The following SLC39A11 variants were observed in gnomAD, a reference collection of about 807,000 sequenced individuals.
SLC39A11 encodes zinc transporter ZIP11.
SLC39A11 carries 33 observed loss-of-function variants against 36.1 expected under a neutral mutation model. That is an observed-to-expected ratio of 0.91 (90% CI 0.69 to 1.22). The LOEUF is 1.22. Ranked by LOEUF, SLC39A11 falls within the 50% of genes most tolerant of loss-of-function variation. The probability of loss-of-function intolerance (pLI) is 0.00; values close to 1 mark genes in which losing one functional copy is unlikely to be tolerated. For synonymous variants in SLC39A11, 166 were observed against 170.3 expected (o/e 0.97, Z 0.20); for missense variants, 432 against 430.3 (o/e 1.00, Z -0.03).
At chr17:72,942,820 C>T (rs774815923) in intron 5 of SLC39A11, among the ~76,000 whole-genome samples, 1 of 152,152 alleles carries the variant, frequency 6.6e-6, no homozygotes, top group Non-Finnish European at 1.5e-5. Flanking sequence ...TGGCTGCCCT[C>T]CCTAAGCCCC....
At chr17:73,067,802 A>G (rs2060040929) in intron 3 of SLC39A11, 8 of 1,398,552 alleles carry the variant, frequency 5.7e-6, no homozygotes, top group Non-Finnish European at 7.1e-6. Flanking sequence ...CAAGCATCAC[A>G]ACTTTTCAGA....
At chr17:72,707,919 T>C (rs114049193) in intron 7 of SLC39A11, among the ~76,000 whole-genome samples, 151 of 152,342 alleles carry the variant, frequency 9.9e-4, no homozygotes, top group African/African-American at 3.2e-3. Flanking sequence ...GGCAAGTCAA[T>C]AGAATTTAAA....
chr17:72,789,568 C>A (rs757608826), intron 6 of SLC39A11, among the ~76,000 whole-genome samples: 13 of 152,212 alleles, frequency 8.5e-5, no homozygotes, highest in Non-Finnish European at 1.3e-4. Flanking sequence ...GCTCTGATTC[C>A]ACCCTTCAGT....
chr17:72,742,645 TAAA>T (rs2074764368), intron 6 of SLC39A11, among the ~76,000 whole-genome samples: 1 of 152,234 alleles, frequency 6.6e-6, no homozygotes, highest in Non-Finnish European at 1.5e-5. Flanking sequence ...ACTCTTTTGT[TAAA>T]AATTTTCCTT....
intron 5 of SLC39A11, among the ~76,000 whole-genome samples, chr17:72,886,236 T>C (rs1036842845): frequency 2.0e-5 from 3 of 152,226 alleles, no homozygotes; most frequent in Non-Finnish European, 4.4e-5. Context: ...ACCAATCTCA[T>C]GACTTTCGTC....
intron 6 of SLC39A11, among the ~76,000 whole-genome samples, chr17:72,780,461 G>C (rs56888665): frequency 6.8e-6 from 1 of 146,086 alleles, no homozygotes; most frequent in African/African-American, 2.5e-5. Context: ...AGTAGTCAAT[G>C]TGAGGGTATT....
At chr17:72,667,455 A>AGGG (rs2070806809) in intron 7 of SLC39A11, among the ~76,000 whole-genome samples, 1 of 152,236 alleles carries the variant, frequency 6.6e-6, no homozygotes, top group Admixed American at 6.5e-5. Context: ...CTAGCTAGCC[A>AGGG]GGGACTCAGT....
chr17:72,822,443 C>T (rs2077833487), intron 6 of SLC39A11, among the ~76,000 whole-genome samples: 1 of 150,676 alleles, frequency 6.6e-6, no homozygotes, highest in Non-Finnish European at 1.5e-5. Flanking sequence ...ACATATAAGA[C>T]TCCATTTGTA....
In SLC39A11 at chr17:72,947,813, C is replaced by A. The variant is rs1486201099; in HGVS notation, c.369G>T (p.Lys123Asn). Residue 123 changes from lysine (K) to asparagine (N), a missense_variant, in exon 5 of 10, where the codon AAG (lysine) becomes AAT (asparagine). Physicochemically the swap from Lys to Asn is moderately conservative, Grantham distance 94. Coordinates refer to ENST00000255559, the MANE Select transcript of SLC39A11 (RefSeq NM_139177.4). ...GCGCGGGACCCTCAGGATCAGACTT[C>A]TTCTTCATCAACGTAGAGCCGAAGT... ...ALNFGSTLMK[K>N]KSDPEGPALL... 3 of 1,614,088 alleles carry A rather than the reference C, an allele frequency of 1.9e-6. No homozygotes were observed. Among genetic ancestry groups the A allele is most frequent in the Admixed American group, 3.3e-5 (2 of 60,010 alleles).
chr17:72,731,018 G>A (rs2074194936), intron 7 of SLC39A11, among the ~76,000 whole-genome samples: 1 of 152,168 alleles, frequency 6.6e-6, no homozygotes, highest in African/African-American at 2.4e-5. Flanking sequence ...TCCCAGTGCT[G>A]GAATTGCAGG....
At chr17:72,918,833 T>G (rs1215379676) in intron 5 of SLC39A11, among the ~76,000 whole-genome samples, 3 of 152,026 alleles carry the variant, frequency 2.0e-5, no homozygotes, top group African/African-American at 7.2e-5. Flanking sequence ...GGGGTTGAGG[T>G]GGGTAGATCA....
intron 7 of SLC39A11, among the ~76,000 whole-genome samples, chr17:72,698,663 C>G (rs2072438154): frequency 6.6e-6 from 1 of 152,110 alleles, no homozygotes; most frequent in South Asian, 2.1e-4. Flanking sequence ...TTTATTCATT[C>G]AGCAAATATT....
chr17:72,719,859 C>T (rs1442009212), intron 7 of SLC39A11, among the ~76,000 whole-genome samples: 1 of 152,172 alleles, frequency 6.6e-6, no homozygotes, highest in Non-Finnish European at 1.5e-5. Context: ...AGCATAAAAG[C>T]CCCTTGTGCT....
At chr17:72,857,097 A>G (rs2079684815) in intron 5 of SLC39A11, among the ~76,000 whole-genome samples, 2 of 152,148 alleles carry the variant, frequency 1.3e-5, no homozygotes, top group African/African-American at 4.8e-5. Context: ...TAAGCCTAGT[A>G]CCCAATAGTT....
chr17:72,940,942 T>C (rs2085063918), intron 5 of SLC39A11, among the ~76,000 whole-genome samples: 1 of 152,128 alleles, frequency 6.6e-6, no homozygotes, highest in Non-Finnish European at 1.5e-5. Context: ...ATGAGGTCAT[T>C]AGAGTGGGCC....
intron 6 of SLC39A11, among the ~76,000 whole-genome samples, chr17:72,754,033 TATATATATATATACACATACACAC>T (rs2075264525): frequency 8.6e-6 from 1 of 116,852 alleles, no homozygotes; most frequent in African/African-American, 3.7e-5. Context: ...TATATATATA[TATATATATATATACACATACACAC>T]ACACACACAC....
intron 4 of SLC39A11, among the ~76,000 whole-genome samples, chr17:73,009,399 C>A (rs2090389918): frequency 6.7e-6 from 1 of 150,028 alleles, no homozygotes; most frequent in Non-Finnish European, 1.5e-5. Flanking sequence ...TTGATACATG[C>A]TACAATATGG....
intron 4 of SLC39A11, among the ~76,000 whole-genome samples, 179 bp from the exon 5 acceptor site, chr17:72,948,054 T>C (rs1459488761): frequency 6.6e-6 from 1 of 152,114 alleles, no homozygotes; most frequent in African/African-American, 2.4e-5. Flanking sequence ...ATGACAAACT[T>C]TCCAGGTATA....
intron 4 of SLC39A11, among the ~76,000 whole-genome samples, chr17:72,999,328 A>G (rs559697589): frequency 1.3e-5 from 2 of 152,324 alleles, no homozygotes; most frequent in African/African-American, 4.8e-5. Context: ...CTGGAATGCA[A>G]TAATATTTGA....
Sources: allele counts gnomAD v4.1 joint callset (sites outside exome capture counted in the v4.1 genomes callset), GRCh38; gene constraint gnomAD v4.1.1; transcripts MANE v1.5; gene names NCBI Gene and HGNC (gene_info 2026-07-23, HGNC 2026-07-21).